EPB41L3: variants seen among roughly 807,000 people sequenced by gnomAD.
EPB41L3 encodes the protein erythrocyte membrane protein band 4.1 like 3, also known as band 4.1-like protein 3.
In EPB41L3, 57 loss-of-function variants were observed where a neutral mutation model predicts 127.1. The ratio of observed to expected loss-of-function variants is 0.45; its 90% CI spans 0.36 to 0.56. The LOEUF (loss-of-function observed/expected upper bound fraction) is 0.56. Among genes scored for constraint, EPB41L3 ranks in the 20% least tolerant of loss-of-function variants. The pLI is 0.00. For missense variants in EPB41L3, 1,273 were observed against 1,372.2 expected, an observed-to-expected ratio of 0.93 and a Z score of 1.14; for synonymous variants, 572 against 549.5, an observed-to-expected ratio of 1.04 and a Z score of -0.57.
intron 1 of EPB41L3, among the ~76,000 whole-genome samples, chr18:5,615,076 G>A (rs1209029138): frequency 6.6e-6 from 1 of 152,120 alleles, no homozygotes; most frequent in Non-Finnish European, 1.5e-5. Context: ...CCAATAAGGT[G>A]TTAGAACCTC....
intron 3 of EPB41L3, among the ~76,000 whole-genome samples, chr18:5,586,401 TTG>T (rs1220283096): frequency 3.8e-5 from 3 of 78,512 alleles, no homozygotes; most frequent in Admixed American, 1.4e-4. Context: ...TTTTTCTTTT[TTG>T]TTTTTTTTTT....
upstream of EPB41L3, among the ~76,000 whole-genome samples, chr18:5,544,857 T>C (rs2093848967): frequency 6.6e-6 from 1 of 152,166 alleles, no homozygotes; most frequent in South Asian, 2.1e-4. Context: ...ATGATGTGAT[T>C]ATTACACATT....
Position 5,550,121 on chromosome 18 carries a change from T to TGAGACA in EPB41L3, c.-305-60961_-305-60960insTGTCTC, listed in dbSNP as rs1323492974. ...CCTTAATTTCCAAGTTTTTACAAAG[T>TGAGACA]TGCCAAGGGATGTCTCATTAAAATG... On this transcript the variant is annotated intron_variant, in intron 3 of 21. Transcript: ENST00000545076. Among the ~76,000 whole-genome samples, 8 of 152,326 alleles carry TGAGACA rather than the reference T, an allele frequency of 5.3e-5. No homozygotes were observed. In the East Asian group the frequency reaches 1.2e-3, roughly 22 times the overall value.
At chr18:5,455,496 G>C (rs1013776382) in intron 3 of EPB41L3, among the ~76,000 whole-genome samples, 2 of 152,108 alleles carry the variant, frequency 1.3e-5, no homozygotes, top group African/African-American at 4.8e-5. Context: ...ACTAGATTGG[G>C]CTGTTCACAT....
At position 5,505,347 on chromosome 18, in the gene EPB41L3, C is replaced by CT. The variant is rs575565757; in HGVS notation, c.-11-16154dup. The stretch of plus-strand genomic sequence containing the variant: ...ACTTTTCCTCATGCACCACATGGTC[C>CT]TTCAGCAAATCCTGTGGCTCTACCT... On this transcript the variant is annotated intron_variant, in intron 1 of 22. Transcript: ENST00000341928. 5.3e-5 allele frequency among the ~76,000 whole-genome samples: 8 copies of CT among 152,222 alleles called. No homozygotes were observed. The South Asian group carries it at 1.5e-3, about 28-fold the overall frequency.
chr18:5,433,493 A>G lies in EPB41L3; in HGVS notation c.888T>C (p.Tyr296=). The change falls in exon 8 of 23, where the codon TAT becomes TAC. Residue 296 remains tyrosine, a synonymous_variant. Coordinates refer to ENST00000341928, the MANE Select transcript of EPB41L3 (RefSeq NM_012307.5). ...CCTTAGCATGATGTAAATCTACCCC[A>G]TACATTGATAATTTTTTGGCATTTT... The part of the protein sequence containing the change: ...FLENAKKLSM[Y]GVDLHHAKDS... 1.2e-6 allele frequency: 2 copies of G among 1,613,550 alleles called. No homozygotes were observed. Among genetic ancestry groups the G allele is most frequent in the South Asian group, 1.1e-5 (1 of 90,966 alleles).
intron 1 of EPB41L3, among the ~76,000 whole-genome samples, chr18:5,619,977 CTAACAA>C (rs1399924061): frequency 1.3e-5 from 2 of 152,040 alleles, no homozygotes; most frequent in African/African-American, 2.4e-5. Context: ...ATTACCTGAG[CTAACAA>C]TAACAATATT....
intron 9 of EPB41L3, among the ~76,000 whole-genome samples, chr18:5,425,060 CTGCAGA>C (rs2077980164): frequency 6.6e-6 from 1 of 152,176 alleles, no homozygotes; most frequent in African/African-American, 2.4e-5. Flanking sequence ...TACTTTATTA[CTGCAGA>C]TGCACAGGTT....
intron 13 of EPB41L3, among the ~76,000 whole-genome samples, chr18:5,413,343 A>G (rs2076423532): frequency 6.6e-6 from 1 of 152,224 alleles, no homozygotes; most frequent in African/African-American, 2.4e-5. Context: ...TTCTGAAAGT[A>G]CAAAAGAAAA....
chr18:5,414,419 A>AT (rs34752534), intron 13 of EPB41L3, among the ~76,000 whole-genome samples: 20 of 149,866 alleles, frequency 1.3e-4, no homozygotes, highest in Admixed American at 6.6e-5. Context: ...GACCATTCAC[A>AT]TTTTTTTCCT....
chr18:5,420,381 T>G (rs1276771122), intron 11 of EPB41L3, among the ~76,000 whole-genome samples: 1 of 152,228 alleles, frequency 6.6e-6, no homozygotes, highest in Non-Finnish European at 1.5e-5. Flanking sequence ...GAATTGGTTT[T>G]CATATTATTA....
chr18:5,483,737 T>C (rs2089066817), intron 2 of EPB41L3, among the ~76,000 whole-genome samples: 1 of 151,994 alleles, frequency 6.6e-6, no homozygotes, highest in Admixed American at 6.6e-5. Context: ...GGTCACTACA[T>C]AATGATAAAG....
chr18:5,522,539 G>A (rs1348727955), intron 1 of EPB41L3, among the ~76,000 whole-genome samples: 2 of 152,088 alleles, frequency 1.3e-5, no homozygotes, highest in East Asian at 1.9e-4. Context: ...CATCCCAATA[G>A]AGTATCTCTT....
intron 3 of EPB41L3, among the ~76,000 whole-genome samples, chr18:5,557,391 T>G (rs921987028): frequency 6.6e-6 from 1 of 152,220 alleles, no homozygotes; most frequent in African/African-American, 2.4e-5. Context: ...TTTGTTTTGT[T>G]TTTGTTTTTT....
intron 6 of EPB41L3, among the ~76,000 whole-genome samples, chr18:5,436,395 T>A (rs1282632139): frequency 1.3e-5 from 2 of 148,422 alleles, no homozygotes; most frequent in African/African-American, 2.5e-5. Context: ...ATGCACTACA[T>A]TTTCTTTCTT....
intron 2 of EPB41L3, among the ~76,000 whole-genome samples, chr18:5,487,464 T>C (rs1006157040): frequency 3.6e-4 from 55 of 151,074 alleles, no homozygotes; most frequent in African/African-American, 1.2e-3. Flanking sequence ...TTAAAAAAGA[T>C]AGTAAGTTTT....
chr18:5,602,979 G>A (rs775273984), intron 3 of EPB41L3, among the ~76,000 whole-genome samples: 6 of 152,118 alleles, frequency 3.9e-5, no homozygotes, highest in Non-Finnish European at 4.4e-5. Flanking sequence ...CTGACACTCA[G>A]TATTGGTCCT....
At chr18:5,479,577 T>A (rs1379110586) in intron 2 of EPB41L3, 1 of 152,182 alleles carries the variant, frequency 6.6e-6, no homozygotes, top group Admixed American at 6.6e-5. Context: ...TTGTTTTCCA[T>A]CCAAAAGATT....
intron 16 of EPB41L3, among the ~76,000 whole-genome samples, chr18:5,401,575 G>A (rs1473906566): frequency 6.6e-6 from 1 of 152,002 alleles, no homozygotes; most frequent in African/African-American, 2.4e-5. Flanking sequence ...ATACTTAGAT[G>A]GATTGATTTA....
Sources: gnomAD v4.1 joint callset for allele counts (sites outside exome capture counted in the v4.1 genomes callset) on GRCh38, gnomAD v4.1.1 for gene constraint, MANE v1.5 for transcripts, NCBI Gene and HGNC (gene_info 2026-07-23, HGNC 2026-07-21) for gene names.